MED17: variants seen among roughly 807,000 people sequenced by gnomAD.
The protein encoded by MED17 is mediator of RNA polymerase II transcription subunit 17.
A neutral mutation model predicts 80.8 loss-of-function variants in MED17; 49 were observed. That is an observed-to-expected ratio of 0.61 (90% CI 0.48 to 0.77). The LOEUF is 0.77. Ranked by LOEUF, MED17 falls within the 30% of genes least tolerant of loss-of-function variation. The pLI is 0.00. For missense variants in MED17, 718 were observed against 787.0 expected (o/e 0.91, Z 1.05); for synonymous variants, 281 against 280.4 (o/e 1.00, Z -0.02).
At chr11:93,794,450 C>T (rs925931057) in intron 5 of MED17, 10 of 245,542 alleles carry the variant, frequency 4.1e-5, no homozygotes, top group African/African-American at 1.4e-4. Context: ...GTAATCCACC[C>T]GCCTTAGCCT....
At chr11:93,798,960 TC>T (rs1338176493) in intron 8 of MED17, among the ~76,000 whole-genome samples, 1 of 152,180 alleles carries the variant, frequency 6.6e-6, no homozygotes, top group Non-Finnish European at 1.5e-5. Flanking sequence ...ATTATAAATT[TC>T]AGAGTAGTAA....
rs1194770817 is a variant in MED17, at chr11:93,813,421, AGTTATTTAAAAATCTT to A, written c.*1359_*1374del. ...ATTAAAATAATTGGTATGAATTTGCAGTTATTTAAAAATCTTGAGTGCTTCAAAAATTATTGTTGCC... is the reference window on the plus strand; with the variant it reads ...ATTAAAATAATTGGTATGAATTTGCAGAGTGCTTCAAAAATTATTGTTGCC... On this transcript the variant is annotated 3_prime_UTR_variant, in exon 12 of 12. Transcript: ENST00000251871. 6.6e-6 allele frequency: 1 copy of A among 152,180 alleles called. No homozygotes were observed. The highest frequency in any genetic ancestry group is 1.5e-5 in the Non-Finnish European group (1 of 68,048). 9.4% of individuals were successfully genotyped at this position (152,180 alleles called of 1,614,324 possible). A position where few individuals can be genotyped will look rare whatever the true frequency, so the allele number is the denominator to read the frequency against.
At chr11:93,809,536 G>A (rs1196008501) in intron 10 of MED17, 181 bp from the exon 11 acceptor site, 1 of 659,490 alleles carries the variant, frequency 1.5e-6, no homozygotes, top group South Asian at 1.7e-5. Flanking sequence ...AGCTTTGGCA[G>A]TGGAAGGTGG....
chr11:93,792,551 A>T (rs954975758), intron 3 of MED17, among the ~76,000 whole-genome samples: 1 of 152,226 alleles, frequency 6.6e-6, no homozygotes, highest in African/African-American at 2.4e-5. Flanking sequence ...CCCTTGTTAT[A>T]AAACCAGTTA....
intron 9 of MED17, among the ~76,000 whole-genome samples, chr11:93,804,312 C>T (rs1298521758): frequency 2.6e-5 from 4 of 151,958 alleles, no homozygotes; most frequent in African/African-American, 9.7e-5. Context: ...GGTGCCCACC[C>T]AGATTAAGGG....
chr11:93,791,744 G>A (rs1943838142), intron 3 of MED17, among the ~76,000 whole-genome samples: 1 of 152,022 alleles, frequency 6.6e-6, no homozygotes, highest in Non-Finnish European at 1.5e-5. Flanking sequence ...GCAATTCTCA[G>A]TGTTCTTCTG....
At chr11:93,791,150 A>T (rs1284768547) in intron 3 of MED17, among the ~76,000 whole-genome samples, 1 of 152,232 alleles carries the variant, frequency 6.6e-6, no homozygotes, top group Non-Finnish European at 1.5e-5. Flanking sequence ...GTATAATGTT[A>T]AACATCCTTC....
rs1385375563 is a variant in MED17 at position 93,784,328 on chromosome 11, C to G, written c.-186C>G. The G allele has an allele frequency of 1.7e-5, 13 of 764,316 alleles. No individual in the cohort carries two copies. Among genetic ancestry groups the G allele is most frequent in the Non-Finnish European group, 2.6e-5 (13 of 495,024 alleles). 47.3% of individuals were successfully genotyped at this position (764,316 alleles called of 1,614,324 possible). On this transcript the variant is annotated 5_prime_UTR_variant, in exon 1 of 12. Coordinates refer to ENST00000251871, the MANE Select transcript of MED17 (RefSeq NM_004268.5). Reference sequence around the variant, plus strand: ...CCGAGGAGGGAGCTTGCGGTGCGTTCTGGGAAAGTTGCTGGGCCAGCTCCT... The same window carrying G: ...CCGAGGAGGGAGCTTGCGGTGCGTTGTGGGAAAGTTGCTGGGCCAGCTCCT...
intron 2 of MED17, chr11:93,789,916 G>T (rs942968805): frequency 6.5e-6 from 1 of 154,136 alleles, no homozygotes; most frequent in Admixed American, 6.4e-5. Context: ...CAAGATGGTG[G>T]TACTGCATTC....
intron 9 of MED17, among the ~76,000 whole-genome samples, chr11:93,802,601 T>A (rs1227457706): frequency 6.6e-6 from 1 of 152,226 alleles, no homozygotes; most frequent in Non-Finnish European, 1.5e-5. Context: ...CCAGGTCTGC[T>A]TCAGTTCTTG....
rs770910601 is a variant in MED17, at chr11:93,809,815, G to A, written c.1683G>A (p.Glu561=). The A allele has an allele frequency of 1.2e-6, 2 of 1,614,046 alleles. No homozygotes were observed. Among genetic ancestry groups the A allele is most frequent in the African/African-American group, 1.3e-5 (1 of 74,918 alleles). Residue 561 remains glutamate, a synonymous_variant, in exon 11 of 12, where the codon GAG becomes GAA. Coordinates refer to ENST00000251871, the MANE Select transcript of MED17 (RefSeq NM_004268.5). ...FSNHVGLGPI[E]SIGNASAITV... ...ATCATGTGGGACTTGGACCTATAGA[G>A]AGCATTGGTAATGCATCTGCCATCA... is the stretch of plus-strand genomic sequence containing the variant.
chr11:93,791,457 C>T (rs1315612305), intron 3 of MED17, among the ~76,000 whole-genome samples: 1 of 152,144 alleles, frequency 6.6e-6, no homozygotes, highest in Non-Finnish European at 1.5e-5. Flanking sequence ...GTAATCCTAG[C>T]ACTTTGGGAG....
rs538776305 is a variant in MED17, at chr11:93,787,811, A to G, written c.251-190A>G. Among the ~76,000 whole-genome samples the G allele has an allele frequency of 3.3e-5, 5 of 152,340 alleles. No homozygotes were observed. The East Asian group carries it at 9.6e-4, about 29-fold the overall frequency. ...AAATAGATGTCATATTCATTTTGCG[A>G]TTGTAGGAATGCTAATGTGAATGTT... On this transcript the variant is annotated intron_variant, in intron 1 of 11. Transcript: ENST00000251871.
At chr11:93,797,749 T>C in intron 8 of MED17, 30 bp downstream of exon 8, 2 of 1,585,252 alleles carry the variant, frequency 1.3e-6, no homozygotes, top group Non-Finnish European at 1.7e-6. Context: ...CTGTTTTCTG[T>C]TTTTTCTTTG....
Position 93,801,821 on chromosome 11 carries a change from C to G in MED17, c.1329-14C>G, listed in dbSNP as rs1052423371. The G allele has an allele frequency of 1.2e-6, 2 of 1,611,712 alleles. No individual in the cohort carries two copies. Among genetic ancestry groups the G allele is most frequent in the Non-Finnish European group, 1.7e-6 (2 of 1,178,804 alleles). On this transcript the variant is annotated splice_polypyrimidine_tract_variant and intron_variant, in intron 8 of 11. Transcript: ENST00000251871. ...GGTGACTTAAAAAGTTTTTTAACTT[C>G]TTGTATTTAAAAGAGCTGCTGCAAC...
intron 9 of MED17, among the ~76,000 whole-genome samples, chr11:93,804,024 TATACAC>T (rs1473846041): frequency 0.035 from 428 of 12,358 alleles, 3 homozygotes; most frequent in African/African-American, 0.046. Flanking sequence ...TATATATATA[TATACAC>T]ACACACATAT....
rs148912294 is a variant in MED17 at position 93,787,993 on chromosome 11, C to T, written c.251-8C>T. On this transcript the variant is annotated splice_region_variant and splice_polypyrimidine_tract_variant and intron_variant, in intron 1 of 11. Transcript: ENST00000251871. ...CTGTATTTCTTTTTTTTCTCTCTCT[C>T]TTTTTAGGAGTGGTAAAATTTCAGC... 9.4e-4 allele frequency: 1,510 copies of T among 1,612,930 alleles called. 14 individuals are homozygous for T. The African/African-American group carries it at 0.018, about 19-fold the overall frequency.
At chr11:93,787,510 T>A (rs1476181514) in intron 1 of MED17, among the ~76,000 whole-genome samples, 1 of 152,198 alleles carries the variant, frequency 6.6e-6, no homozygotes, top group East Asian at 1.9e-4. Flanking sequence ...GAAGGAAAAC[T>A]TTCACTTTTT....
chr11:93,809,563 C>G (rs534422899), intron 10 of MED17, 154 bp from the exon 11 acceptor site: 23 of 773,870 alleles, frequency 3.0e-5, no homozygotes, highest in South Asian at 2.3e-4. Context: ...ATTCCCTCCC[C>G]CTAAGTTACG....
Sources: gnomAD v4.1 joint callset for allele counts (sites outside exome capture counted in the v4.1 genomes callset) on GRCh38, gnomAD v4.1.1 for gene constraint, MANE v1.5 for transcripts, NCBI Gene and HGNC (gene_info 2026-07-23, HGNC 2026-07-21) for gene names.